Variants in SVOP observed in about 807,000 individuals in gnomAD.
The protein encoded by SVOP is synaptic vesicle 2-related protein.
Under a neutral mutation model 69.1 loss-of-function variants are expected in SVOP, and 17 were observed. The ratio of observed to expected loss-of-function variants is 0.25; its 90% confidence interval spans 0.17 to 0.37. The LOEUF (loss-of-function observed/expected upper bound fraction) is 0.37, where lower values mean the gene tolerates loss of function less well. Among genes scored for constraint, SVOP ranks in the 10% least tolerant of loss-of-function variants. SVOP has a pLI of 1.00. For synonymous variants in SVOP, 238 were observed against 238.6 expected (o/e 1.00, Z 0.02); for missense variants, 435 against 597.5 (o/e 0.73, Z 2.84).
intron 1 of SVOP, among the ~76,000 whole-genome samples, chr12:108,986,078 T>A (rs1566062953): frequency 1.3e-5 from 2 of 152,214 alleles, no homozygotes; most frequent in Non-Finnish European, 2.9e-5. Context: ...GCAGACAGAC[T>A]GGTGGGGTTT....
intron 1 of SVOP, among the ~76,000 whole-genome samples, chr12:108,988,507 C>A (rs955284351): frequency 1.3e-5 from 2 of 152,110 alleles, no homozygotes; most frequent in Non-Finnish European, 2.9e-5. Context: ...GTGATCTTGG[C>A]ACCATTTTGA....
At chr12:108,987,150 A>G (rs1441375924) in intron 1 of SVOP, among the ~76,000 whole-genome samples, 1 of 152,170 alleles carries the variant, frequency 6.6e-6, no homozygotes, top group African/African-American at 2.4e-5. Context: ...TTCTGTCTCT[A>G]TGAATTTGAC....
chr12:108,958,995 T>C (rs1305609776), intron 6 of SVOP, among the ~76,000 whole-genome samples: 1 of 152,154 alleles, frequency 6.6e-6, no homozygotes. Context: ...AGTAACCACC[T>C]GCACAGTAAT....
At chr12:109,016,409 C>G (rs2040367906) in intron 1 of SVOP, among the ~76,000 whole-genome samples, 1 of 152,168 alleles carries the variant, frequency 6.6e-6, no homozygotes, top group South Asian at 2.1e-4. Context: ...AGAAAGGAGA[C>G]AGTAGATTCA....
intron 6 of SVOP, among the ~76,000 whole-genome samples, chr12:108,951,326 A>C (rs1443802711): frequency 6.6e-6 from 1 of 152,180 alleles, no homozygotes; most frequent in African/African-American, 2.4e-5. Context: ...GGCGCCCTCT[A>C]CTGGAGGTAA....
intron 11 of SVOP, 117 bp downstream of exon 11, chr12:108,934,078 G>A: frequency 1.2e-6 from 1 of 828,022 alleles, no homozygotes; most frequent in Non-Finnish European, 1.9e-6. Context: ...GGAAACCACA[G>A]AAGTAGTACA....
intron 15 of SVOP, among the ~76,000 whole-genome samples, chr12:108,915,262 TG>T (rs1413326192): frequency 6.6e-6 from 1 of 151,994 alleles, no homozygotes; most frequent in Non-Finnish European, 1.5e-5. Context: ...TGCTGAAGTT[TG>T]GGGGTACAAA....
chr12:108,937,032 A>T (rs952978086), intron 10 of SVOP: 5 of 514,226 alleles, frequency 9.7e-6, no homozygotes, highest in Non-Finnish European at 1.8e-5. Flanking sequence ...ACTGCACTCC[A>T]GCCTGCACGG....
chr12:108,959,514 C>A (rs574561726), intron 6 of SVOP, among the ~76,000 whole-genome samples: 1 of 151,946 alleles, frequency 6.6e-6, no homozygotes, highest in Non-Finnish European at 1.5e-5. Flanking sequence ...CCACCAAGCC[C>A]GGAAAATTTT....
chr12:108,952,952 G>T (rs1593188943), intron 6 of SVOP, among the ~76,000 whole-genome samples: 1 of 152,040 alleles, frequency 6.6e-6, no homozygotes, highest in East Asian at 1.9e-4. Flanking sequence ...TAAAACAGTT[G>T]TTCAATGGAC....
chr12:108,946,545 T>G (rs923568301), intron 6 of SVOP, among the ~76,000 whole-genome samples: 2 of 152,000 alleles, frequency 1.3e-5, no homozygotes, highest in African/African-American at 4.8e-5. Context: ...ATTTATACAA[T>G]GGGTCGAAGC....
At chr12:108,914,316 C>G (rs928094269) in intron 15 of SVOP, among the ~76,000 whole-genome samples, 1 of 152,086 alleles carries the variant, frequency 6.6e-6, no homozygotes, top group Non-Finnish European at 1.5e-5. Context: ...GTGCTGAATG[C>G]CACTGAATTG....
At chr12:108,989,337 A>G (rs1216874040) in intron 1 of SVOP, among the ~76,000 whole-genome samples, 1 of 152,146 alleles carries the variant, frequency 6.6e-6, no homozygotes, top group Non-Finnish European at 1.5e-5. Context: ...GGCCTCCCGA[A>G]GTGCTGGGAT....
chr12:108,933,739 A>T (rs2039838090), intron 11 of SVOP, among the ~76,000 whole-genome samples: 1 of 152,090 alleles, frequency 6.6e-6, no homozygotes, highest in Admixed American at 6.6e-5. Flanking sequence ...GAAAAGGAAG[A>T]TTCACAGCAA....
chr12:108,926,161 TCCTC>T (rs1255230503), intron 11 of SVOP, among the ~76,000 whole-genome samples: 1 of 152,090 alleles, frequency 6.6e-6, no homozygotes, highest in Non-Finnish European at 1.5e-5. Context: ...CCTCAAGCAA[TCCTC>T]CCTCCTCGCC....
At chr12:108,912,894 C>T (rs1304487823) in intron 15 of SVOP, among the ~76,000 whole-genome samples, 153 bp from the exon 16 acceptor site, 1 of 152,010 alleles carries the variant, frequency 6.6e-6, no homozygotes, top group African/African-American at 2.4e-5. Flanking sequence ...TTGTCCCTCT[C>T]TCTCCTTGTG....
intron 2 of SVOP, among the ~76,000 whole-genome samples, chr12:108,983,278 G>C (rs1482447925): frequency 2.5e-5 from 3 of 119,060 alleles, no homozygotes; most frequent in East Asian, 2.5e-4. Context: ...TTACTATCAT[G>C]ATCATCACCA....
intron 1 of SVOP, among the ~76,000 whole-genome samples, chr12:109,011,853 G>A (rs1378221646): frequency 6.6e-6 from 1 of 152,166 alleles, no homozygotes; most frequent in African/African-American, 2.4e-5. Context: ...GCCAGGCACA[G>A]AAAGACAAAT....
At chr12:108,970,627 A>G (rs1196831451) in intron 5 of SVOP, among the ~76,000 whole-genome samples, 1 of 152,128 alleles carries the variant, frequency 6.6e-6, no homozygotes, top group Non-Finnish European at 1.5e-5. Flanking sequence ...TTTTCAAAGT[A>G]TGGTCCCAAG....
Sources: allele counts gnomAD v4.1 joint callset (sites outside exome capture counted in the v4.1 genomes callset), GRCh38; gene constraint gnomAD v4.1.1; transcripts MANE v1.5; gene names NCBI Gene and HGNC (gene_info 2026-07-23, HGNC 2026-07-21).